SRGAP2: variants seen among roughly 807,000 people sequenced by gnomAD.
SRGAP2 encodes the protein SLIT-ROBO Rho GTPase-activating protein 2.
Under a neutral mutation model 57.2 loss-of-function variants are expected in SRGAP2, and 15 were observed. That is an observed-to-expected ratio of 0.26 (90% CI 0.18 to 0.40). The LOEUF (loss-of-function observed/expected upper bound fraction) is 0.40, where lower values mean the gene tolerates loss of function less well. SRGAP2 is among the 10% of genes least tolerant of loss of function. The pLI, the probability that SRGAP2 is intolerant of heterozygous loss-of-function variation, is 1.00. For missense variants in SRGAP2, 520 were observed against 669.6 expected (o/e 0.78, Z 2.47); for synonymous variants, 249 against 248.0 (o/e 1.00, Z -0.04).
intron 10 of SRGAP2, among the ~76,000 whole-genome samples, chr1:206,413,346 G>A (rs1192085474): frequency 2.0e-5 from 3 of 152,172 alleles, no homozygotes; most frequent in African/African-American, 4.8e-5. Flanking sequence ...CTAAAGTACT[G>A]TTCCAAACCC....
At chr1:206,319,348 T>G (rs1673299800) in intron 3 of SRGAP2, among the ~76,000 whole-genome samples, 1 of 151,248 alleles carries the variant, frequency 6.6e-6, no homozygotes, top group Admixed American at 6.6e-5. Flanking sequence ...GAGGCGGAGC[T>G]TTCAGTGAGC....
In SRGAP2 at chr1:206,234,494, C is replaced by G. The variant is rs564729388; in HGVS notation, c.67+28457C>G. ...CTTGATGAGTCCTTGATGTTGACTC[C>G]TTGACCTTACTGCCATCTTCTTTCC... On this transcript the variant is annotated intron_variant, in intron 2 of 22. Transcript: ENST00000573034. Among the ~76,000 whole-genome samples, 1,137 of 152,228 alleles carry G rather than the reference C, an allele frequency of 7.5e-3. 12 individuals are homozygous for G. Among genetic ancestry groups the G allele is most frequent in the African/African-American group, 0.026 (1,066 of 41,514 alleles).
At chr1:206,456,100 C>T (rs1553378351) in intron 21 of SRGAP2, 1 of 152,196 alleles carries the variant, frequency 6.6e-6, no homozygotes, top group East Asian at 1.9e-4. Context: ...ACCTGTTAAC[C>T]GTAGCCTCTG....
At chr1:206,225,586 C>A (rs1335054510) in intron 2 of SRGAP2, among the ~76,000 whole-genome samples, 1 of 152,086 alleles carries the variant, frequency 6.6e-6, no homozygotes, top group Non-Finnish European at 1.5e-5. Flanking sequence ...CAGTGCCACC[C>A]CCATCCGCCT....
chr1:206,412,408 T>A (rs923862631), intron 10 of SRGAP2, among the ~76,000 whole-genome samples: 1 of 152,252 alleles, frequency 6.6e-6, no homozygotes, highest in Non-Finnish European at 1.5e-5. Flanking sequence ...CTGGTCAGAC[T>A]GTGTTTTAGG....
chr1:206,433,288 C>CT (rs1661428801), intron 14 of SRGAP2, among the ~76,000 whole-genome samples: 1 of 152,088 alleles, frequency 6.6e-6, no homozygotes, highest in Admixed American at 6.6e-5. Context: ...TGGCATTTCT[C>CT]TTACCTTAGT....
chr1:206,462,724 G>T lies in SRGAP2; in HGVS notation c.*1304G>T, dbSNP rs550354436. The T allele has an allele frequency of 6.6e-6, 1 of 152,150 alleles. No homozygotes were observed. Among genetic ancestry groups the T allele is most frequent in the African/African-American group, 2.4e-5 (1 of 41,444 alleles). 9.4% of individuals were successfully genotyped at this position (152,150 alleles called of 1,614,324 possible). The stretch of plus-strand genomic sequence containing the variant: ...CTCAAGTCTTCCCAAGGCCAGAATC[G>T]AAAGAAAATTAAAATTTGAATGCTG... On this transcript the variant is annotated 3_prime_UTR_variant, in exon 23 of 23. Transcript: ENST00000573034.
chr1:206,334,934 A>C (rs1385320243), intron 3 of SRGAP2, among the ~76,000 whole-genome samples: 2 of 150,806 alleles, frequency 1.3e-5, no homozygotes, highest in South Asian at 2.1e-4. Context: ...GAGAAGAAAA[A>C]ATCAAAGATA....
chr1:206,240,172 A>G (rs1668127827), intron 2 of SRGAP2, among the ~76,000 whole-genome samples: 1 of 151,548 alleles, frequency 6.6e-6, no homozygotes, highest in African/African-American at 2.4e-5. Flanking sequence ...AGGCTGAGGC[A>G]GGAGAGCTGC....
chr1:206,229,923 CACAT>C lies in SRGAP2; in HGVS notation c.67+23894_67+23897del, dbSNP rs1259645864. 2.3e-3 allele frequency among the ~76,000 whole-genome samples: 285 copies of C among 123,360 alleles called. 2 individuals are homozygous for C. Among genetic ancestry groups the C allele is most frequent in the African/African-American group, 8.9e-3 (257 of 28,814 alleles). 80.9% of individuals were successfully genotyped at this position (123,360 alleles called of 152,430 possible). A position where few individuals can be genotyped will look rare whatever the true frequency, so the allele number is the denominator to read the frequency against. ...ACGTTGAGAGAGAGATATATATGTA[CACAT>C]ACATACACACACACACACACACACA... On this transcript the variant is annotated intron_variant, in intron 2 of 22. Transcript: ENST00000573034.
rs570432845 is a variant in SRGAP2 at position 206,355,849 on chromosome 1, C to G, written c.423+12841C>G. Among the ~76,000 whole-genome samples, 3 of 152,236 alleles carry G rather than the reference C, an allele frequency of 2.0e-5. No individual in the cohort carries two copies. The East Asian group carries it at 5.8e-4, about 29-fold the overall frequency. On this transcript the variant is annotated intron_variant, in intron 4 of 22. Transcript: ENST00000573034. ...AGGCATCGTGGTGTATTCCTGTAATCTCAGCTACTCAGGAGGCTTAGGGAG... is the reference window on the plus strand; with the variant it reads ...AGGCATCGTGGTGTATTCCTGTAATGTCAGCTACTCAGGAGGCTTAGGGAG...
chr1:206,386,044 G>A (rs1656213735), intron 5 of SRGAP2, among the ~76,000 whole-genome samples: 1 of 152,326 alleles, frequency 6.6e-6, no homozygotes, highest in African/African-American at 2.4e-5. Flanking sequence ...TCCAAATGGA[G>A]TTTTAAGCAG....
chr1:206,450,613 C>T (rs1663185466), intron 19 of SRGAP2, 148 bp downstream of exon 19: 2 of 609,742 alleles, frequency 3.3e-6, no homozygotes, highest in African/African-American at 3.7e-5. Flanking sequence ...CATTCCCTTC[C>T]TTCCTTGGAG....
intron 3 of SRGAP2, among the ~76,000 whole-genome samples, chr1:206,311,039 G>A (rs1170705142): frequency 6.8e-6 from 1 of 147,466 alleles, no homozygotes; most frequent in Non-Finnish European, 1.5e-5. Context: ...ATTCCAGCCA[G>A]CAGGAAAAGG....
chr1:206,439,015 A>G (rs1326338757), intron 16 of SRGAP2, among the ~76,000 whole-genome samples: 2 of 152,124 alleles, frequency 1.3e-5, no homozygotes, highest in Admixed American at 6.6e-5. Context: ...TGGGTGATTA[A>G]GAATGTGATT....
intron 4 of SRGAP2, among the ~76,000 whole-genome samples, chr1:206,366,223 C>T (rs1653994153): frequency 6.6e-6 from 1 of 152,254 alleles, no homozygotes; most frequent in South Asian, 2.1e-4. Context: ...CTTGGAGACC[C>T]TGACCCCATC....
chr1:206,419,645 T>C (rs1178345711), intron 12 of SRGAP2, among the ~76,000 whole-genome samples: 4 of 152,118 alleles, frequency 2.6e-5, no homozygotes, highest in Non-Finnish European at 4.4e-5. Context: ...GGTTATCATT[T>C]GCTGAAATTG....
chr1:206,357,866 G>A (rs1277360812), intron 4 of SRGAP2, among the ~76,000 whole-genome samples: 1 of 144,968 alleles, frequency 6.9e-6, no homozygotes, highest in Admixed American at 6.9e-5. Flanking sequence ...GGGATTTCAG[G>A]CGTGAGCCAC....
intron 4 of SRGAP2, among the ~76,000 whole-genome samples, chr1:206,371,363 G>A (rs555308799): frequency 2.9e-3 from 446 of 151,912 alleles, no homozygotes; most frequent in African/African-American, 0.01. Context: ...GCATTATTTA[G>A]GCAGAAGGAA....
Sources: gnomAD v4.1 joint callset for allele counts (sites outside exome capture counted in the v4.1 genomes callset) on GRCh38, gnomAD v4.1.1 for gene constraint, MANE v1.5 for transcripts, NCBI Gene and HGNC (gene_info 2026-07-23, HGNC 2026-07-21) for gene names.